LUC7L: variants seen among roughly 807,000 people sequenced by gnomAD.
LUC7L encodes the protein LUC7 like.
LUC7L carries 29 observed loss-of-function variants against 51.1 expected under a neutral mutation model. The observed-to-expected ratio is 0.57, with a 90% CI of 0.42 to 0.77. The LOEUF is 0.77. LUC7L is among the 30% of genes least tolerant of loss of function. The pLI is 0.00. For synonymous variants in LUC7L, 181 were observed against 180.7 expected, an observed-to-expected ratio of 1.00 and a Z score of -0.01; for missense variants, 403 against 511.9, an observed-to-expected ratio of 0.79 and a Z score of 2.05.
At chr16:207,304 C>T (rs367761821) in intron 4 of LUC7L, among the ~76,000 whole-genome samples, 23 of 152,086 alleles carry the variant, frequency 1.5e-4, no homozygotes, top group African/African-American at 5.5e-4. Flanking sequence ...TCATTGAAGC[C>T]TCAATCTCCC....
chr16:198,369 A>G (rs1291561351), intron 6 of LUC7L, among the ~76,000 whole-genome samples: 2 of 151,742 alleles, frequency 1.3e-5, no homozygotes, highest in African/African-American at 4.8e-5. Context: ...GGGATGGTAC[A>G]ATGCTACCAG....
intron 3 of LUC7L, among the ~76,000 whole-genome samples, chr16:217,980 A>G (rs892236241): frequency 2.0e-5 from 3 of 150,780 alleles, no homozygotes; most frequent in South Asian, 4.2e-4. Flanking sequence ...AGCCGAGATC[A>G]TGCCACTGTA....
Position 208,127 on chromosome 16 carries a change from T to C in LUC7L, c.317A>G (p.Lys106Arg). Residue 106 changes from lysine (K) to arginine (R), a missense_variant, in exon 4 of 10, where the codon AAG becomes AGG. By Grantham distance (26) the Lys-to-Arg change is conservative. Coordinates refer to ENST00000293872, the MANE Select transcript of LUC7L (RefSeq NM_201412.3). ...TTCCTCCTGTGTTTCTGCCAGCCGC[T>C]TCTTGGCGAGCTCAGTTCTCCGATC... ...ECDRRTELAK[K>R]RLAETQEEIS... The C allele has an allele frequency of 6.2e-7, 1 of 1,613,646 alleles. No homozygotes were observed. Among genetic ancestry groups the C allele is most frequent in the Non-Finnish European group, 8.5e-7 (1 of 1,179,850 alleles).
rs575822889 is a variant in LUC7L at position 189,995 on chromosome 16, G to A, written c.947C>T (p.Ala316Val). The change falls in exon 9 of 10, where the codon GCT (alanine) becomes GTT (valine). Residue 316 changes from alanine (A) to valine (V), a missense_variant. Physicochemically the swap from Ala to Val is moderately conservative, Grantham distance 64 (BLOSUM62 0). Coordinates refer to ENST00000293872, the MANE Select transcript of LUC7L (RefSeq NM_201412.3). ...GTATTTCGCACTTCGGTCCCGGGAA[G>A]CCCGACGATGTCCCCGGCTGTGGCT... is the stretch of plus-strand genomic sequence containing the variant. ...SRSHSRGHRRASRDRSAKYKF... is the reference protein window; with the variant it reads ...SRSHSRGHRRVSRDRSAKYKF... The A allele has an allele frequency of 6.6e-5, 107 of 1,613,718 alleles. 1 individual carries two copies. The East Asian group carries it at 1.9e-3, about 29-fold the overall frequency.
intron 5 of LUC7L, among the ~76,000 whole-genome samples, chr16:199,778 A>AG (rs1239159808): frequency 2.0e-5 from 3 of 146,616 alleles, no homozygotes; most frequent in African/African-American, 7.8e-5. Context: ...AAAAAAAAAA[A>AG]AGAGAGATCG....
At chr16:209,806 G>T (rs2049589044) in intron 3 of LUC7L, 1 of 152,158 alleles carries the variant, frequency 6.6e-6, no homozygotes, top group South Asian at 2.1e-4. Context: ...AGACACTGGA[G>T]AAGATTGTGA....
At position 190,155 on chromosome 16, in the gene LUC7L, C is replaced by G. The variant is rs1161586280; in HGVS notation, c.807-20G>C. The G allele has an allele frequency of 1.2e-6, 2 of 1,602,538 alleles. No homozygotes were observed. Among genetic ancestry groups the G allele is most frequent in the Admixed American group, 3.3e-5 (2 of 59,784 alleles). ...CGTGACCTGAACAATCAGAAGGCTCCAAGGCTGAGACTCTATAGGTGCCAA... is the reference window on the plus strand; with the variant it reads ...CGTGACCTGAACAATCAGAAGGCTCGAAGGCTGAGACTCTATAGGTGCCAA... On this transcript the variant is annotated intron_variant, in intron 8 of 9. Coordinates refer to ENST00000293872, the MANE Select transcript of LUC7L (RefSeq NM_201412.3).
chr16:196,686 C>G (rs1474015721), intron 6 of LUC7L, among the ~76,000 whole-genome samples: 1 of 151,660 alleles, frequency 6.6e-6, no homozygotes, highest in Non-Finnish European at 1.5e-5. Context: ...TACCACCATG[C>G]CCAGCTAATT....
intron 5 of LUC7L, among the ~76,000 whole-genome samples, chr16:201,950 G>A (rs374377712): frequency 1.3e-5 from 2 of 151,616 alleles, no homozygotes; most frequent in African/African-American, 4.8e-5. Context: ...CACCAAGTTG[G>A]CCAGGCTGGT....
chr16:189,788 C>T (rs1246518478), intron 9 of LUC7L, 180 bp downstream of exon 9: 17 of 1,420,126 alleles, frequency 1.2e-5, no homozygotes, highest in East Asian at 2.5e-5. Flanking sequence ...TGGCGCCGTG[C>T]GAGCTCCTCC....
intron 5 of LUC7L, among the ~76,000 whole-genome samples, chr16:200,166 T>TAATCC (rs1156908318): frequency 6.6e-6 from 1 of 152,012 alleles, no homozygotes; most frequent in Non-Finnish European, 1.5e-5. Context: ...CTCACGCCTG[T>TAATCC]AATCCCAGCA....
chr16:217,575 T>C lies in LUC7L; in HGVS notation c.255+3074A>G, dbSNP rs116686058. Among the ~76,000 whole-genome samples the C allele has an allele frequency of 7.2e-3, 1,092 of 151,192 alleles. 15 individuals carry two copies. Among genetic ancestry groups the C allele is most frequent in the African/African-American group, 0.026 (1,052 of 41,154 alleles). On this transcript the variant is annotated intron_variant, in intron 3 of 9. Transcript: ENST00000293872. ...TACAAAAATCAGCCAGGCGTAGCGA[T>C]GTGCACCTGTAATCCCAGCTACTCA...
At chr16:195,006 T>A (rs1052393001) in intron 6 of LUC7L, among the ~76,000 whole-genome samples, 1 of 152,068 alleles carries the variant, frequency 6.6e-6, no homozygotes, top group African/African-American at 2.4e-5. Flanking sequence ...GAGAGCACGC[T>A]CCCCACAAGG....
At chr16:213,945 A>G (rs1241314644) in intron 3 of LUC7L, among the ~76,000 whole-genome samples, 2 of 150,206 alleles carry the variant, frequency 1.3e-5, no homozygotes, top group Admixed American at 1.3e-4. Flanking sequence ...CCATCTCCTG[A>G]TCTTGTGATC....
Position 220,755 on chromosome 16 carries a change from A to G in LUC7L, c.157-8T>C, listed in dbSNP as rs971612309. 6.2e-7 allele frequency: 1 copy of G among 1,604,952 alleles called. No homozygotes were observed. Among genetic ancestry groups the G allele is most frequent in the Non-Finnish European group, 8.5e-7 (1 of 1,172,350 alleles). On this transcript the variant is annotated splice_polypyrimidine_tract_variant and splice_region_variant and intron_variant, in intron 2 of 9. Transcript: ENST00000293872. ...TTCTCCTAAATCCATGCGCTGTGGGAAAGAAACAGAAAATGCAGACCTCAG... is the reference window on the plus strand; with the variant it reads ...TTCTCCTAAATCCATGCGCTGTGGGGAAGAAACAGAAAATGCAGACCTCAG...
chr16:212,623 T>C (rs1030417817), intron 3 of LUC7L, among the ~76,000 whole-genome samples: 1 of 152,138 alleles, frequency 6.6e-6, no homozygotes, highest in African/African-American at 2.4e-5. Context: ...ATGTGGTATA[T>C]TAAAAACAGC....
chr16:225,790 TTC>T (rs1474015582), intron 2 of LUC7L, among the ~76,000 whole-genome samples: 5 of 150,366 alleles, frequency 3.3e-5, no homozygotes, highest in African/African-American at 4.9e-5. Flanking sequence ...CAGCCTGAAA[TTC>T]TGTCTCAAAA....
chr16:225,806 AAAAG>A (rs869285974), intron 2 of LUC7L, among the ~76,000 whole-genome samples: 44 of 142,272 alleles, frequency 3.1e-4, no homozygotes, highest in African/African-American at 1.0e-3. Context: ...CTCAAAAAAA[AAAAG>A]AAAAGAAAAG....
intron 5 of LUC7L, among the ~76,000 whole-genome samples, chr16:200,417 A>G (rs1409160340): frequency 5.9e-5 from 2 of 34,154 alleles, no homozygotes; most frequent in African/African-American, 8.1e-5. Flanking sequence ...GTCTCAAAAG[A>G]AAAAAAAAAA....
Sources: allele counts gnomAD v4.1 joint callset (sites outside exome capture counted in the v4.1 genomes callset), GRCh38; gene constraint gnomAD v4.1.1; transcripts MANE v1.5; gene names NCBI Gene and HGNC (gene_info 2026-07-23, HGNC 2026-07-21).